Variants in PBX3 observed in about 807,000 individuals in gnomAD.
The protein encoded by PBX3 is pre-B-cell leukemia transcription factor 3.
A neutral mutation model predicts 48.5 loss-of-function variants in PBX3; 14 were observed. That is an observed-to-expected ratio of 0.29 (90% CI 0.19 to 0.45). The LOEUF (loss-of-function observed/expected upper bound fraction) is 0.45, where lower values mean the gene tolerates loss of function less well. Ranked by LOEUF, PBX3 falls within the 20% of genes least tolerant of loss-of-function variation. The pLI, the probability that PBX3 is intolerant of heterozygous loss-of-function variation, is 1.00. For synonymous variants in PBX3, 210 were observed against 200.3 expected, an observed-to-expected ratio of 1.05 and a Z score of -0.41; for missense variants, 386 against 546.7, an observed-to-expected ratio of 0.71 and a Z score of 2.93.
intron 5 of PBX3, among the ~76,000 whole-genome samples, chr9:125,942,363 G>T (rs193296714): frequency 6.1e-4 from 93 of 152,122 alleles, no homozygotes; most frequent in African/African-American, 2.2e-3. Context: ...TCATTTTCCC[G>T]CTAAGCTACT....
intron 2 of PBX3, chr9:125,865,126 A>G (rs977250282): frequency 6.2e-6 from 1 of 160,630 alleles, no homozygotes; most frequent in African/African-American, 2.4e-5. Context: ...ATTTAAATCT[A>G]CACTTTCTAG....
chr9:125,960,631 T>G (rs1842407724), intron 5 of PBX3, 53 bp from the exon 6 acceptor site: 1 of 1,557,864 alleles, frequency 6.4e-7, no homozygotes, highest in Admixed American at 1.7e-5. Context: ...TTATTGGAAT[T>G]TGATTACTTC....
chr9:125,942,516 C>T (rs185169088), intron 5 of PBX3, among the ~76,000 whole-genome samples: 236 of 151,992 alleles, frequency 1.6e-3, no homozygotes, highest in Middle Eastern at 3.4e-3. Flanking sequence ...AAGAAGAAGC[C>T]CGTTAAAATA....
chr9:125,906,209 T>A (rs1226678383), intron 2 of PBX3, among the ~76,000 whole-genome samples: 1 of 152,002 alleles, frequency 6.6e-6, no homozygotes, highest in African/African-American at 2.4e-5. Flanking sequence ...TCACAAAGCC[T>A]TTTCAATAAA....
At chr9:125,750,040 T>C (rs1472699392) in intron 2 of PBX3, among the ~76,000 whole-genome samples, 1 of 152,250 alleles carries the variant, frequency 6.6e-6, no homozygotes, top group Non-Finnish European at 1.5e-5. Context: ...CAGTAGATAA[T>C]TTTTATCTGA....
At chr9:125,921,327 T>C (rs1841452335) in intron 3 of PBX3, among the ~76,000 whole-genome samples, 1 of 151,282 alleles carries the variant, frequency 6.6e-6, no homozygotes, top group African/African-American at 2.4e-5. Flanking sequence ...TTGAATACTC[T>C]TTTTTTTTCA....
intron 2 of PBX3, among the ~76,000 whole-genome samples, chr9:125,865,747 T>C (rs535725175): frequency 1.3e-5 from 2 of 152,318 alleles, no homozygotes; most frequent in South Asian, 2.1e-4. Context: ...GTCAAACCTA[T>C]TATAAAAAAG....
At chr9:125,951,964 T>TA (rs896453899) in intron 5 of PBX3, among the ~76,000 whole-genome samples, 1 of 152,220 alleles carries the variant, frequency 6.6e-6, no homozygotes, top group Admixed American at 6.5e-5. Context: ...CCATTAACTT[T>TA]AAAAAATTGA....
chr9:125,939,096 T>G (rs1203148471), intron 5 of PBX3, among the ~76,000 whole-genome samples: 1 of 152,180 alleles, frequency 6.6e-6, no homozygotes, highest in African/African-American at 2.4e-5. Context: ...ACAAATATTC[T>G]TTATGCTATT....
intron 2 of PBX3, among the ~76,000 whole-genome samples, chr9:125,791,301 G>A (rs10986918): frequency 0.1 from 10,863 of 108,828 alleles, 453 homozygotes; most frequent in South Asian, 0.13. Flanking sequence ...CTGTCTGTCT[G>A]TCTATCTATC....
At chr9:125,883,660 T>C (rs542509339) in intron 2 of PBX3, among the ~76,000 whole-genome samples, 1 of 152,206 alleles carries the variant, frequency 6.6e-6, no homozygotes, top group East Asian at 1.9e-4. Flanking sequence ...GTAAACCACA[T>C]GGAACTATTT....
At chr9:125,804,910 G>GAGAT (rs1838073469) in intron 2 of PBX3, among the ~76,000 whole-genome samples, 1 of 143,084 alleles carries the variant, frequency 7.0e-6, no homozygotes, top group Non-Finnish European at 1.5e-5. Flanking sequence ...TCATGCCACT[G>GAGAT]CACTCCAGCC....
chr9:125,890,774 T>C (rs890628906), intron 2 of PBX3, among the ~76,000 whole-genome samples: 13 of 152,204 alleles, frequency 8.5e-5, no homozygotes, highest in African/African-American at 3.1e-4. Flanking sequence ...TAGCCAAATA[T>C]CAGAGCCAGC....
chr9:125,794,874 C>T (rs1166266404), intron 2 of PBX3, among the ~76,000 whole-genome samples: 1 of 152,184 alleles, frequency 6.6e-6, no homozygotes. Flanking sequence ...TTCAATCTAG[C>T]TGGCTAGGCA....
chr9:125,755,246 C>G (rs1263742294), intron 2 of PBX3, among the ~76,000 whole-genome samples: 1 of 151,972 alleles, frequency 6.6e-6, no homozygotes, highest in African/African-American at 2.4e-5. Flanking sequence ...TTGAGAATGT[C>G]AACATTTTCA....
At position 125,935,475 on chromosome 9, in the gene PBX3, GA is replaced by G; in HGVS notation, c.715del (p.Arg239GlyfsTer12). Reference sequence around the variant, plus strand: ...TTTTCTTTCACTCTTGTCATAGACGGAAAAGGCGTAACTTCAGTAAACAGGC... The same window carrying G: ...TTTTCTTTCACTCTTGTCATAGACGGAAAGGCGTAACTTCAGTAAACAGGC... ...LRSRFLDARR[K>X]RRNFSKQATE... On this transcript the variant is annotated frameshift_variant, in exon 5 of 9. Transcript: ENST00000373489. LOFTEE classifies it high-confidence loss of function. 6.2e-7 allele frequency: 1 copy of G among 1,613,412 alleles called. No homozygotes were observed. The highest frequency in any genetic ancestry group is 1.3e-5 in the African/African-American group (1 of 74,996).
chr9:125,765,583 T>G lies in PBX3; in HGVS notation c.274+16960T>G. ...GGGATATGAGCACAAATACTACCTGTTTTTTTTCTTCTTTACTTAAAAATA... is the reference window on the plus strand; with the variant it reads ...GGGATATGAGCACAAATACTACCTGGTTTTTTTCTTCTTTACTTAAAAATA... On this transcript the variant is annotated intron_variant, in intron 2 of 8. Transcript: ENST00000373489. Among the ~76,000 whole-genome samples the G allele has an allele frequency of 1.3e-5, 2 of 151,884 alleles. 1 individual carries two copies. The highest frequency in any genetic ancestry group is 2.9e-5 in the Non-Finnish European group (2 of 67,980).
intron 5 of PBX3, among the ~76,000 whole-genome samples, chr9:125,959,232 G>A (rs1306060658): frequency 6.6e-6 from 1 of 152,232 alleles, no homozygotes; most frequent in Non-Finnish European, 1.5e-5. Flanking sequence ...GATACATACA[G>A]TCTTCTAGGG....
chr9:125,803,242 C>T (rs2132102574), intron 2 of PBX3, among the ~76,000 whole-genome samples: 1 of 151,952 alleles, frequency 6.6e-6, no homozygotes, highest in African/African-American at 2.4e-5. Flanking sequence ...CACGGGCCAC[C>T]ATGCCTGGCT....
Sources: gnomAD v4.1 joint callset for allele counts (sites outside exome capture counted in the v4.1 genomes callset) on GRCh38, gnomAD v4.1.1 for gene constraint, MANE v1.5 for transcripts, NCBI Gene and HGNC (gene_info 2026-07-23, HGNC 2026-07-21) for gene names.